Variants in GALNT2 observed in about 807,000 individuals in gnomAD.
GALNT2 encodes UDP-GalNAc:polypeptide N-acetylgalactosaminyltransferase 2.
In GALNT2, 31 loss-of-function variants were observed where a neutral mutation model predicts 81.4. The observed-to-expected ratio is 0.38, with a 90% CI of 0.29 to 0.51. The LOEUF (loss-of-function observed/expected upper bound fraction) is 0.51. Among genes scored for constraint, GALNT2 ranks in the 20% least tolerant of loss-of-function variants. The pLI is 0.87. For synonymous variants in GALNT2, 303 were observed against 287.4 expected (o/e 1.05, Z -0.55); for missense variants, 629 against 765.7 (o/e 0.82, Z 2.11).
intron 1 of GALNT2, among the ~76,000 whole-genome samples, chr1:230,119,051 CAATT>C (rs1438270462): frequency 1.3e-5 from 2 of 152,170 alleles, no homozygotes; most frequent in Non-Finnish European, 2.9e-5. Flanking sequence ...TACTTAAAAA[CAATT>C]AACAAGTTCC....
At chr1:230,204,557 G>A (rs1215778519) in intron 3 of GALNT2, among the ~76,000 whole-genome samples, 2 of 152,148 alleles carry the variant, frequency 1.3e-5, no homozygotes, top group African/African-American at 2.4e-5. Context: ...TTTAAAAAGA[G>A]TATTTGTCAC....
intron 10 of GALNT2, among the ~76,000 whole-genome samples, chr1:230,253,957 A>C (rs1424927633): frequency 6.6e-6 from 1 of 152,092 alleles, no homozygotes; most frequent in East Asian, 1.9e-4. Flanking sequence ...TTTCCTGGGA[A>C]TACTATCCAG....
In GALNT2 at chr1:230,280,098, A is replaced by G. The variant is rs879130317; in HGVS notation, c.*640A>G. On this transcript the variant is annotated 3_prime_UTR_variant, in exon 16 of 16. Coordinates refer to ENST00000366672, the MANE Select transcript of GALNT2 (RefSeq NM_004481.5). ...AGAAAGAATGTACGGTCAGTTCCCT[A>G]TGGTTTCTGTAGATCATCGTCATCT... 9.7e-5 allele frequency: 42 copies of G among 434,338 alleles called. No individual in the cohort carries two copies. The highest frequency in any genetic ancestry group is 5.5e-4 in the South Asian group (34 of 61,978). The allele number at this position is 434,338 out of a possible 1,614,324, so 26.9% of individuals were successfully genotyped here.
At chr1:230,233,474 A>G (rs1664929204) in intron 3 of GALNT2, among the ~76,000 whole-genome samples, 1 of 152,162 alleles carries the variant, frequency 6.6e-6, no homozygotes, top group South Asian at 2.1e-4. Flanking sequence ...TTAGCCAGGC[A>G]TGGTGATGGG....
chr1:230,167,583 C>T (rs555709380), intron 1 of GALNT2, among the ~76,000 whole-genome samples: 1 of 152,240 alleles, frequency 6.6e-6, no homozygotes, highest in African/African-American at 2.4e-5. Flanking sequence ...AGGAGCATTG[C>T]ACTTTAGTTC....
intron 1 of GALNT2, among the ~76,000 whole-genome samples, chr1:230,096,376 T>A (rs1660255313): frequency 6.6e-6 from 1 of 152,198 alleles, no homozygotes; most frequent in Non-Finnish European, 1.5e-5. Context: ...AATATGCATA[T>A]CTCGTCAAAG....
At chr1:230,072,775 T>C (rs1003528759) in intron 1 of GALNT2, among the ~76,000 whole-genome samples, 12 of 152,330 alleles carry the variant, frequency 7.9e-5, no homozygotes, top group Non-Finnish European at 2.9e-5. Context: ...TGGTCTTTCC[T>C]TGGGATCTCT....
chr1:230,259,501 AAG>A (rs1364200058), intron 11 of GALNT2: 1 of 152,200 alleles, frequency 6.6e-6, no homozygotes, highest in Non-Finnish European at 1.5e-5. Context: ...GCAATAGAGA[AAG>A]AGTTTAGTTC....
At chr1:230,239,908 T>TA (rs1374194098) in intron 6 of GALNT2, among the ~76,000 whole-genome samples, 4 of 152,250 alleles carry the variant, frequency 2.6e-5, no homozygotes. Flanking sequence ...GTCAACATCA[T>TA]ACCACTTTAA....
upstream of GALNT2, chr1:230,057,903 C>T: frequency 2.6e-6 from 1 of 382,184 alleles, no homozygotes; most frequent in Non-Finnish European, 5.4e-6. Flanking sequence ...AGGGGCATTG[C>T]TGGGGTTAGG....
At chr1:230,121,319 G>A (rs1369824773) in intron 1 of GALNT2, among the ~76,000 whole-genome samples, 1 of 152,260 alleles carries the variant, frequency 6.6e-6, no homozygotes, top group African/African-American at 2.4e-5. Context: ...TAGTCCCGTG[G>A]CGGGCGGTGG....
chr1:230,272,089 C>G (rs1572162611), intron 14 of GALNT2, among the ~76,000 whole-genome samples: 1 of 152,164 alleles, frequency 6.6e-6, no homozygotes, highest in East Asian at 1.9e-4. Flanking sequence ...GCTCCTAAAA[C>G]CCCTGTGGCT....
intron 2 of GALNT2, among the ~76,000 whole-genome samples, chr1:230,196,983 T>G (rs1663715196): frequency 6.6e-6 from 1 of 152,066 alleles, no homozygotes; most frequent in African/African-American, 2.4e-5. Flanking sequence ...ATGATATGGC[T>G]GATAGTAAAA....
chr1:230,246,840 A>G (rs532982766), intron 8 of GALNT2, among the ~76,000 whole-genome samples: 1 of 152,234 alleles, frequency 6.6e-6, no homozygotes, highest in South Asian at 2.1e-4. Context: ...ATTATCAAAG[A>G]CCTCAAAGAG....
At chr1:230,131,040 C>T (rs1661350825) in intron 1 of GALNT2, among the ~76,000 whole-genome samples, 1 of 152,176 alleles carries the variant, frequency 6.6e-6, no homozygotes, top group African/African-American at 2.4e-5. Context: ...AACTAGGCAT[C>T]TCGCTAGCCT....
chr1:230,128,388 T>TC (rs1347018294), intron 1 of GALNT2, among the ~76,000 whole-genome samples: 24 of 145,018 alleles, frequency 1.7e-4, no homozygotes, highest in African/African-American at 5.9e-4. Flanking sequence ...CACTTGGAGT[T>TC]TTGGGGGGCT....
chr1:230,178,063 G>T (rs151089317), intron 1 of GALNT2, among the ~76,000 whole-genome samples, 155 bp from the exon 2 acceptor site: 1 of 152,272 alleles, frequency 6.6e-6, no homozygotes, highest in African/African-American at 2.4e-5. Flanking sequence ...ACAATTTCTG[G>T]TGTGTGGGGT....
intron 1 of GALNT2, among the ~76,000 whole-genome samples, chr1:230,150,473 C>T (rs115126145): frequency 0.013 from 2,035 of 152,352 alleles, 13 homozygotes; most frequent in Non-Finnish European, 0.019. Flanking sequence ...CTTCCACTTC[C>T]TCTTTCTGCC....
chr1:230,241,489 C>G (rs1572126847), intron 6 of GALNT2, among the ~76,000 whole-genome samples: 1 of 151,734 alleles, frequency 6.6e-6, no homozygotes, highest in South Asian at 2.1e-4. Flanking sequence ...TCTTGTTGCT[C>G]AGGCTGGAGT....
Sources: allele counts gnomAD v4.1 joint callset (sites outside exome capture counted in the v4.1 genomes callset), GRCh38; gene constraint gnomAD v4.1.1; transcripts MANE v1.5; gene names NCBI Gene and HGNC (gene_info 2026-07-23, HGNC 2026-07-21).